Variants in CNTN6 observed in about 807,000 individuals in gnomAD.
The protein encoded by CNTN6 is contactin-6.
Under a neutral mutation model 122.8 loss-of-function variants are expected in CNTN6, and 137 were observed. The ratio of observed to expected loss-of-function variants is 1.12; its 90% CI spans 0.97 to 1.29. The LOEUF is 1.29. Among genes scored for constraint, CNTN6 ranks in the 50% most tolerant of loss-of-function variants. The pLI, the probability that CNTN6 is intolerant of heterozygous loss-of-function variation, is 0.00. For synonymous variants in CNTN6, 570 were observed against 426.0 expected, an observed-to-expected ratio of 1.34 and a Z score of -4.16; for missense variants, 1,634 against 1,223.4, an observed-to-expected ratio of 1.34 and a Z score of -5.01.
intron 12 of CNTN6, among the ~76,000 whole-genome samples, chr3:1,358,000 CT>C (rs936849213): frequency 2.4e-4 from 36 of 151,842 alleles, no homozygotes; most frequent in Middle Eastern, 6.8e-3. Context: ...ACATCTAGAA[CT>C]TTTTTTATGT....
intron 4 of CNTN6, among the ~76,000 whole-genome samples, chr3:1,235,418 G>T (rs2094408613): frequency 6.6e-6 from 1 of 151,066 alleles, no homozygotes; most frequent in South Asian, 2.1e-4. Context: ...TGCATTAAAG[G>T]ATCAAATATT....
chr3:1,142,982 A>G (rs766892865), intron 1 of CNTN6, among the ~76,000 whole-genome samples: 4,682 of 109,944 alleles, frequency 0.043, 123 homozygotes, highest in African/African-American at 0.085. Context: ...ATATATATAT[A>G]TATATATATA....
intron 7 of CNTN6, among the ~76,000 whole-genome samples, chr3:1,315,144 A>G (rs1431653285): frequency 6.6e-6 from 1 of 151,970 alleles, no homozygotes; most frequent in Non-Finnish European, 1.5e-5. Context: ...TTTAACGATA[A>G]TCTCCATTCT....
chr3:1,279,213 C>T (rs921196359), intron 5 of CNTN6, among the ~76,000 whole-genome samples: 1 of 152,096 alleles, frequency 6.6e-6, no homozygotes, highest in African/African-American at 2.4e-5. Context: ...GTGGACTGGC[C>T]CGTTGTCAGG....
At chr3:1,368,336 T>G (rs1708519740) in intron 12 of CNTN6, among the ~76,000 whole-genome samples, 1 of 152,198 alleles carries the variant, frequency 6.6e-6, no homozygotes, top group Non-Finnish European at 1.5e-5. Flanking sequence ...ATTCAGGCTT[T>G]CATAAAACAG....
chr3:1,384,941 T>C (rs1692636324), intron 19 of CNTN6, among the ~76,000 whole-genome samples: 2 of 150,790 alleles, frequency 1.3e-5, no homozygotes, highest in Non-Finnish European at 2.9e-5. Context: ...ACTTCTCAAA[T>C]TTCATCCCTA....
At chr3:1,133,430 C>T (rs1025422547) in intron 1 of CNTN6, among the ~76,000 whole-genome samples, 1 of 152,120 alleles carries the variant, frequency 6.6e-6, no homozygotes, top group African/African-American at 2.4e-5. Flanking sequence ...GTAAACTTAT[C>T]CTCACCTTAA....
chr3:1,229,570 T>C (rs2094327530), intron 4 of CNTN6, among the ~76,000 whole-genome samples: 1 of 152,206 alleles, frequency 6.6e-6, no homozygotes, highest in South Asian at 2.1e-4. Flanking sequence ...TCTCCTTTGT[T>C]CTGTACTTTT....
At chr3:1,152,318 T>C (rs990578522) in intron 2 of CNTN6, among the ~76,000 whole-genome samples, 1 of 152,054 alleles carries the variant, frequency 6.6e-6, no homozygotes, top group African/African-American at 2.4e-5. Flanking sequence ...TTTTGTATTT[T>C]AGTAGAGACA....
At chr3:1,365,484 G>A (rs1383821772) in intron 12 of CNTN6, among the ~76,000 whole-genome samples, 2 of 152,028 alleles carry the variant, frequency 1.3e-5, no homozygotes, top group Admixed American at 6.6e-5. Context: ...TTTATGTTGT[G>A]TTTAATCCTC....
At chr3:1,181,435 T>G (rs548037165) in intron 2 of CNTN6, among the ~76,000 whole-genome samples, 1 of 152,286 alleles carries the variant, frequency 6.6e-6, no homozygotes, top group South Asian at 2.1e-4. Context: ...TCTTAGGGGT[T>G]TTTTTGTTAT....
chr3:1,181,998 T>C (rs1247824481), intron 2 of CNTN6, among the ~76,000 whole-genome samples: 1 of 152,150 alleles, frequency 6.6e-6, no homozygotes. Flanking sequence ...GAACATCTCT[T>C]CATTTTGTTC....
intron 1 of CNTN6, among the ~76,000 whole-genome samples, chr3:1,130,068 T>C (rs1377637082): frequency 6.6e-6 from 1 of 152,046 alleles, no homozygotes; most frequent in Non-Finnish European, 1.5e-5. Flanking sequence ...TTCTCTATAT[T>C]CTCTCTACTT....
chr3:1,363,358 C>T (rs1032847072), intron 12 of CNTN6, among the ~76,000 whole-genome samples: 22 of 151,924 alleles, frequency 1.4e-4, no homozygotes, highest in Non-Finnish European at 2.8e-4. Context: ...TGCATTCTAT[C>T]TCTAGACTTA....
At chr3:1,382,010 T>C (rs1409719267) in intron 17 of CNTN6, among the ~76,000 whole-genome samples, 2 of 151,668 alleles carry the variant, frequency 1.3e-5, no homozygotes, top group Admixed American at 6.6e-5. Flanking sequence ...CTCCCATGAA[T>C]AAAGAGAACC....
intron 4 of CNTN6, among the ~76,000 whole-genome samples, chr3:1,262,118 T>C (rs2125710437): frequency 6.6e-6 from 1 of 152,304 alleles, no homozygotes; most frequent in South Asian, 2.1e-4. Flanking sequence ...TAAGCAGTCC[T>C]CAGTTGCCAA....
intron 1 of CNTN6, among the ~76,000 whole-genome samples, chr3:1,132,863 T>A (rs1032408187): frequency 2.0e-5 from 3 of 152,046 alleles, no homozygotes; most frequent in Non-Finnish European, 4.4e-5. Flanking sequence ...AAGTCTTATG[T>A]GTCTGCTTTC....
chr3:1,225,485 C>T (rs1055964363), intron 3 of CNTN6, among the ~76,000 whole-genome samples: 2 of 152,114 alleles, frequency 1.3e-5, no homozygotes, highest in Non-Finnish European at 2.9e-5. Flanking sequence ...TAATTAGGAG[C>T]ATGTAATGAT....
chr3:1,392,509 G>A (rs1694316358), intron 20 of CNTN6, among the ~76,000 whole-genome samples: 1 of 151,274 alleles, frequency 6.6e-6, no homozygotes, highest in Non-Finnish European at 1.5e-5. Flanking sequence ...AGGACTTCAT[G>A]TCTAAAACAC....
Sources: allele counts gnomAD v4.1 joint callset (sites outside exome capture counted in the v4.1 genomes callset), GRCh38; gene constraint gnomAD v4.1.1; transcripts MANE v1.5; gene names NCBI Gene and HGNC (gene_info 2026-07-23, HGNC 2026-07-21).